The following RCBTB1 variants were observed in gnomAD, a reference collection of about 807,000 sequenced individuals.
RCBTB1 encodes the protein RCC1 and BTB domain-containing protein 1.
A neutral mutation model predicts 62.4 loss-of-function variants in RCBTB1; 46 were observed. The ratio of observed to expected loss-of-function variants is 0.74; its 90% CI spans 0.58 to 0.94. RCBTB1 has a LOEUF of 0.94. RCBTB1 is among the 40% of genes least tolerant of loss of function. The pLI, the probability that RCBTB1 is intolerant of heterozygous loss-of-function variation, is 0.00. For synonymous variants in RCBTB1, 222 were observed against 245.8 expected (o/e 0.90, Z 0.91); for missense variants, 565 against 654.9 (o/e 0.86, Z 1.50).
At chr13:49,566,970 C>T (rs1963064086) in intron 3 of RCBTB1, among the ~76,000 whole-genome samples, 184 bp downstream of exon 3, 1 of 152,022 alleles carries the variant, frequency 6.6e-6, no homozygotes, top group Admixed American at 6.6e-5. Context: ...ACTCAGAGTG[C>T]TATGGAGTAG....
chr13:49,535,988 A>G (rs1464344177), intron 12 of RCBTB1, among the ~76,000 whole-genome samples: 1 of 150,438 alleles, frequency 6.6e-6, no homozygotes, highest in Non-Finnish European at 1.5e-5. Flanking sequence ...ATGCCACTGC[A>G]CTCCAGCCTG....
At chr13:49,549,704 C>A in intron 8 of RCBTB1, 56 bp from the exon 9 acceptor site, 1 of 1,546,216 alleles carries the variant, frequency 6.5e-7, no homozygotes, top group South Asian at 1.2e-5. Context: ...GCCCACAGCA[C>A]ACCACACAAG....
chr13:49,542,706 CTTT>C (rs1359446402), intron 10 of RCBTB1, among the ~76,000 whole-genome samples: 1 of 143,654 alleles, frequency 7.0e-6, no homozygotes. Flanking sequence ...GCCATCACTC[CTTT>C]TTTTTTTTTG....
chr13:49,538,549 A>G lies in RCBTB1; in HGVS notation c.1455+2327T>C, dbSNP rs146599859. ...AACATAATGAAACCCTGTCTCTACA[A>G]CAAATAAAAAATAAGAAATTAGCTG... is the stretch of plus-strand genomic sequence containing the variant. On this transcript the variant is annotated intron_variant, in intron 12 of 12. Transcript: ENST00000378302. Among the ~76,000 whole-genome samples, 17 of 152,138 alleles carry G rather than the reference A, an allele frequency of 1.1e-4. No homozygotes were observed. In the East Asian group the frequency reaches 1.7e-3, roughly 16 times the overall value.
chr13:49,573,675 C>T (rs1246021703), intron 2 of RCBTB1, among the ~76,000 whole-genome samples: 1 of 152,014 alleles, frequency 6.6e-6, no homozygotes, highest in Non-Finnish European at 1.5e-5. Context: ...GTCTCAAACT[C>T]CCGACCTCAA....
intron 9 of RCBTB1, among the ~76,000 whole-genome samples, chr13:49,545,112 C>T (rs1224527622): frequency 6.6e-6 from 1 of 151,944 alleles, no homozygotes; most frequent in Non-Finnish European, 1.5e-5. Context: ...CCTAGTTATA[C>T]ATTAGAAATG....
intron 12 of RCBTB1, chr13:49,539,380 G>A (rs961973264): frequency 1.3e-5 from 2 of 152,202 alleles, no homozygotes; most frequent in Non-Finnish European, 2.9e-5. Context: ...ATGACCTGCT[G>A]GCACAGGAAG....
intron 2 of RCBTB1, among the ~76,000 whole-genome samples, chr13:49,571,084 C>T (rs1333377341): frequency 6.6e-6 from 1 of 152,208 alleles, no homozygotes; most frequent in East Asian, 1.9e-4. Flanking sequence ...GGGTAGCTCA[C>T]ACCTGTAATC....
rs775779841 is a variant in RCBTB1 at position 49,540,485 on chromosome 13, T to C, written c.1455+391A>G. Among the ~76,000 whole-genome samples, 93 of 152,176 alleles carry C rather than the reference T, an allele frequency of 6.1e-4. 1 individual carries two copies. The highest frequency in any genetic ancestry group is 3.4e-3 in the Middle Eastern group (1 of 294). On this transcript the variant is annotated intron_variant, in intron 12 of 12. Transcript: ENST00000378302. ...CGTACACAGATACAAATCATACACATCCCCAGCTTATGACAGGGCAGAGGT... is the reference window on the plus strand; with the variant it reads ...CGTACACAGATACAAATCATACACACCCCCAGCTTATGACAGGGCAGAGGT...
intron 9 of RCBTB1, chr13:49,547,041 G>T: frequency 8.3e-7 from 1 of 1,210,572 alleles, no homozygotes; most frequent in Non-Finnish European, 1.0e-6. Flanking sequence ...TTTATAACAA[G>T]TCCAGGTTAA....
intron 11 of RCBTB1, among the ~76,000 whole-genome samples, 174 bp from the exon 12 acceptor site, chr13:49,541,180 A>G (rs1011435417): frequency 4.0e-4 from 61 of 152,100 alleles, no homozygotes; most frequent in Non-Finnish European, 1.3e-4. Flanking sequence ...CCACTTCCAC[A>G]CCTCTCCTAT....
intron 10 of RCBTB1, among the ~76,000 whole-genome samples, chr13:49,542,653 T>C (rs1474709623): frequency 6.6e-6 from 1 of 152,216 alleles, no homozygotes; most frequent in African/African-American, 2.4e-5. Flanking sequence ...TATTGTCTGA[T>C]TATCCGACAA....
chr13:49,554,883 C>G (rs1961713710), intron 6 of RCBTB1, among the ~76,000 whole-genome samples: 1 of 152,202 alleles, frequency 6.6e-6, no homozygotes, highest in Non-Finnish European at 1.5e-5. Flanking sequence ...GCCAAAACAT[C>G]TGTGTCCAGG....
intron 1 of RCBTB1, among the ~76,000 whole-genome samples, chr13:49,581,698 G>T (rs905471958): frequency 1.3e-5 from 2 of 152,240 alleles, no homozygotes; most frequent in Non-Finnish European, 2.9e-5. Flanking sequence ...TGTGAAGGAA[G>T]AGGTAGACCA....
Position 49,534,057 on chromosome 13 carries a change from C to T in RCBTB1, c.*65G>A, listed in dbSNP as rs1959742671. 1.3e-6 allele frequency: 2 copies of T among 1,533,692 alleles called. No individual in the cohort carries two copies. The highest frequency in any genetic ancestry group is 2.8e-5 in the African/African-American group (2 of 72,312). Reference sequence around the variant, plus strand: ...CTGCAGAATCACATCACCCGTAGAGCACAAACTGGACACATCCTCAACAGT... The same window carrying T: ...CTGCAGAATCACATCACCCGTAGAGTACAAACTGGACACATCCTCAACAGT... On this transcript the variant is annotated 3_prime_UTR_variant, in exon 13 of 13. Transcript: ENST00000378302.
intron 2 of RCBTB1, among the ~76,000 whole-genome samples, chr13:49,576,874 G>A (rs560421156): frequency 2.9e-4 from 44 of 152,016 alleles, no homozygotes; most frequent in African/African-American, 1.0e-3. Context: ...GATAAAACAA[G>A]GGTGCAAGGA....
rs1420983822 is a variant in RCBTB1 at position 49,541,667 on chromosome 13, C to T, written c.1324+9G>A. The T allele has an allele frequency of 6.2e-7, 1 of 1,605,210 alleles. No homozygotes were observed. The highest frequency in any genetic ancestry group is 8.5e-7 in the Non-Finnish European group (1 of 1,176,784). On this transcript the variant is annotated intron_variant, in intron 11 of 12. Coordinates refer to ENST00000378302, the MANE Select transcript of RCBTB1 (RefSeq NM_018191.4). ...ATGCGGCTCGTCCATCCCAATGCTACCACAGTACCTATAGCATCTTCTGGC... is the reference window on the plus strand; with the variant it reads ...ATGCGGCTCGTCCATCCCAATGCTATCACAGTACCTATAGCATCTTCTGGC...
intron 12 of RCBTB1, among the ~76,000 whole-genome samples, chr13:49,535,565 TAGAC>T (rs3990354): frequency 0.32 from 48,633 of 151,792 alleles, 9,176 homozygotes; most frequent in Non-Finnish European, 0.44. Flanking sequence ...GTGGGAATGT[TAGAC>T]AGAGTGGAAG....
chr13:49,570,196 A>G (rs1963305130), intron 2 of RCBTB1, among the ~76,000 whole-genome samples: 1 of 152,176 alleles, frequency 6.6e-6, no homozygotes, highest in African/African-American at 2.4e-5. Context: ...AAACCACACA[A>G]CTTCCTGACA....
Sources: allele counts gnomAD v4.1 joint callset (sites outside exome capture counted in the v4.1 genomes callset), GRCh38; gene constraint gnomAD v4.1.1; transcripts MANE v1.5; gene names NCBI Gene and HGNC (gene_info 2026-07-23, HGNC 2026-07-21).